The following MYLK2 variants were observed in gnomAD, a reference collection of about 807,000 sequenced individuals.
MYLK2 encodes the protein myosin light chain kinase 2, also known as myosin light chain kinase 2, skeletal/cardiac muscle.
In MYLK2, 27 loss-of-function variants were observed where a neutral mutation model predicts 58.2. That is an observed-to-expected ratio of 0.46 (90% confidence interval 0.34 to 0.64). The LOEUF (loss-of-function observed/expected upper bound fraction) is 0.64. MYLK2 is among the 30% of genes least tolerant of loss of function. The pLI is 0.01. For missense variants in MYLK2, 676 were observed against 764.3 expected, an observed-to-expected ratio of 0.88 and a Z score of 1.36; for synonymous variants, 310 against 296.7, an observed-to-expected ratio of 1.04 and a Z score of -0.46.
chr20:31,829,580 A>G (rs1324756548), intron 8 of MYLK2, among the ~76,000 whole-genome samples: 1 of 152,228 alleles, frequency 6.6e-6, no homozygotes, highest in Non-Finnish European at 1.5e-5. Flanking sequence ...CCAGACAAAT[A>G]ACAAATACAT....
rs1568635421 is a variant in MYLK2, at chr20:31,832,027, G to GTC, written c.1604_1605dup (p.Ala536SerfsTer31). The GTC allele has an allele frequency of 1.9e-6, 3 of 1,608,588 alleles. No individual in the cohort carries two copies. Among genetic ancestry groups the GTC allele is most frequent in the Non-Finnish European group, 2.5e-6 (3 of 1,177,340 alleles). ...AGGGCCCGGATGAACGCTGCCCAGT[G>GTC]TCTCGCCCATCCCTGGCTCAACAAC... On this transcript the variant is annotated frameshift_variant, in exon 12 of 13. Transcript: ENST00000375985. LOFTEE classifies it high-confidence loss of function.
intron 10 of MYLK2, 77 bp downstream of exon 10, chr20:31,831,218 G>A (rs2062304914): frequency 1.2e-6 from 2 of 1,606,470 alleles, no homozygotes; most frequent in Admixed American, 3.3e-5. Flanking sequence ...ATTGGCCCTA[G>A]GGTCTTGGTA....
intron 8 of MYLK2, among the ~76,000 whole-genome samples, chr20:31,827,882 C>CTTTTTTTTTTT (rs10646259): frequency 1.1e-5 from 1 of 94,842 alleles, no homozygotes; most frequent in Non-Finnish European, 2.0e-5. Context: ...AGCAGATCTG[C>CTTTTTTTTTTT]TTTTTTTTTT....
Position 31,820,506 on chromosome 20 carries a change from G to C in MYLK2, c.433G>C (p.Ala145Pro). ...AGCAGCAGCCAGGAGGGGCTCACCT[G>C]CCTTTCTGCATAGCCCCAGCTGTCC... Reference protein sequence around the residue: ...GQAAARRGSPAFLHSPSCPAI... With the variant: ...GQAAARRGSPPFLHSPSCPAI... The change falls in exon 3 of 13, where the codon GCC becomes CCC. Residue 145 changes from alanine to proline, a missense_variant. By Grantham distance (27) the Ala-to-Pro change is conservative. Around this residue, in one of 2 missense-constraint regions of MYLK2, gnomAD observed 306 missense variants for 296.5 expected, o/e 1.03. Coordinates refer to ENST00000375985, the MANE Select transcript of MYLK2 (RefSeq NM_033118.4). 1.2e-6 allele frequency: 2 copies of C among 1,605,240 alleles called. No homozygotes were observed. Among genetic ancestry groups the C allele is most frequent in the Admixed American group, 1.7e-5 (1 of 60,032 alleles).
At position 31,821,390 on chromosome 20, in the gene MYLK2, C is replaced by T. The variant is rs537738338; in HGVS notation, c.474-49C>T. The T allele has an allele frequency of 6.6e-5, 106 of 1,609,764 alleles. 2 individuals are homozygous for T. The South Asian group carries it at 1.1e-3, about 17-fold the overall frequency. Reference sequence around the variant, plus strand: ...GATTGCATTGAGACTTGCCTGATGCCACAGGCTGTGGCCGCTGAGGGCTTC... The same window carrying T: ...GATTGCATTGAGACTTGCCTGATGCTACAGGCTGTGGCCGCTGAGGGCTTC... On this transcript the variant is annotated intron_variant, in intron 3 of 12. Coordinates refer to ENST00000375985, the MANE Select transcript of MYLK2 (RefSeq NM_033118.4).
intron 5 of MYLK2, 141 bp from the exon 6 acceptor site, chr20:31,824,118 G>A (rs1392641979): frequency 8.6e-6 from 13 of 1,519,208 alleles, no homozygotes; most frequent in African/African-American, 1.4e-5. Flanking sequence ...GTCAGGGCTG[G>A]CTGGGGTGAG....
rs753089175 is a variant in MYLK2, at chr20:31,820,332, G to A, written c.259G>A (p.Ala87Thr). 22 of 1,612,860 alleles carry A rather than the reference G, an allele frequency of 1.4e-5. No homozygotes were observed. The East Asian group carries it at 1.8e-4, about 13-fold the overall frequency. Residue 87 changes from alanine to threonine, a missense_variant, in exon 3 of 13, where the codon GCG (alanine) becomes ACG (threonine). This residue lies in a region of MYLK2 where 306 missense variants were observed against 296.5 expected (regional missense o/e 1.03). Coordinates refer to ENST00000375985, the MANE Select transcript of MYLK2 (RefSeq NM_033118.4). Reference protein sequence around the residue: ...KGEGDRGGGPAEGSAGPPAAL... With the variant: ...KGEGDRGGGPTEGSAGPPAAL... ...AGAGGGTGACAGGGGCGGGGGGCCC[G>A]CGGAGGGCAGTGCTGGGCCCCCGGC...
intron 10 of MYLK2, among the ~76,000 whole-genome samples, 181 bp downstream of exon 10, chr20:31,831,322 T>C (rs1600413835): frequency 6.6e-6 from 1 of 151,424 alleles, no homozygotes; most frequent in Admixed American, 6.6e-5. Flanking sequence ...ACCCATTTCA[T>C]AGATGGAAAA....
At position 31,821,639 on chromosome 20, in the gene MYLK2, C is replaced by A. The variant is rs371836552; in HGVS notation, c.674C>A (p.Ser225Ter). 6.2e-7 allele frequency: 1 copy of A among 1,613,928 alleles called. No homozygotes were observed. Among genetic ancestry groups the A allele is most frequent in the African/African-American group, 1.3e-5 (1 of 74,936 alleles). ...CAGGCTAAGATGCAAGGGGACACCT[C>A]GAGGGGGATTGAGTTCCAGGCTGTT... The part of the protein sequence containing the change: ...AGQAKMQGDT[S>*]RGIEFQAVPS... The change falls in exon 4 of 13, where the codon TCG (serine) becomes TAG (stop). Residue 225 changes from serine to a stop codon, truncating the protein, a stop_gained. Transcript: ENST00000375985. LOFTEE classifies it high-confidence loss of function.
Position 31,820,349 on chromosome 20 carries a change from G to T in MYLK2, c.276G>T (p.Gly92=). 6.2e-7 allele frequency: 1 copy of T among 1,612,724 alleles called. No homozygotes were observed. The highest frequency in any genetic ancestry group is 2.2e-5 in the East Asian group (1 of 44,880). Residue 92 remains glycine (G), a synonymous_variant, in exon 3 of 13, where the codon GGG becomes GGT. Transcript: ENST00000375985. The part of the protein sequence containing the change: ...RGGGPAEGSA[G]PPAALPQQTA... ...GGGGGCCCGCGGAGGGCAGTGCTGG[G>T]CCCCCGGCAGCCCTGCCCCAGCAGA...
chr20:31,826,794 C>A lies in MYLK2; in HGVS notation c.1083-3C>A. 2.5e-6 allele frequency: 4 copies of A among 1,614,120 alleles called. No individual in the cohort carries two copies. In the South Asian group the frequency reaches 4.4e-5, roughly 18 times the overall value. ...CAAGCCGTGGAGGGGTCTGTGCACA[C>A]AGCATCGAGGGCGGAGAGCTCTTCG... On this transcript the variant is annotated splice_region_variant and splice_polypyrimidine_tract_variant and intron_variant, in intron 7 of 12. Transcript: ENST00000375985.
intron 3 of MYLK2, 75 bp from the exon 4 acceptor site, chr20:31,821,364 A>G: frequency 6.3e-7 from 1 of 1,582,168 alleles, no homozygotes; most frequent in Non-Finnish European, 8.7e-7. Flanking sequence ...TTAGCTCTGC[A>G]GATTGCATTG....
chr20:31,833,566 G>GTCA, intron 12 of MYLK2, 151 bp from the exon 13 acceptor site: 1 of 725,850 alleles, frequency 1.4e-6, no homozygotes, highest in Non-Finnish European at 2.5e-6. Context: ...ACAATACAGT[G>GTCA]TCATGGCGCC....
At chr20:31,827,981 G>A (rs2062289021) in intron 8 of MYLK2, among the ~76,000 whole-genome samples, 1 of 146,130 alleles carries the variant, frequency 6.8e-6, no homozygotes, top group Non-Finnish European at 1.5e-5. Flanking sequence ...TCTGTCTCCT[G>A]GGCTCAAGCA....
Position 31,832,155 on chromosome 20 carries a change from TG to T in MYLK2, c.1710+23del. On this transcript the variant is annotated intron_variant, in intron 12 of 12. Transcript: ENST00000375985. ...CTGGAAGGTACCGCTGGATTCAGGG[TG>T]GGGAGGGAGGGCTTGCTAGTGGGAA... 1 of 1,233,164 alleles carries T rather than the reference TG, an allele frequency of 8.1e-7. No homozygotes were observed. Among genetic ancestry groups the T allele is most frequent in the East Asian group, 2.8e-5 (1 of 35,406 alleles). The allele number at this position is 1,233,164 out of a possible 1,614,324, so 76.4% of individuals were successfully genotyped here.
chr20:31,819,983 G>A, intron 2 of MYLK2, 143 bp from the exon 3 acceptor site: 2 of 1,072,660 alleles, frequency 1.9e-6, no homozygotes, highest in Non-Finnish European at 2.8e-6. Flanking sequence ...GGGCCATCAA[G>A]TGGCCCCAGA....
At chr20:31,822,571 A>G (rs537617809) in intron 4 of MYLK2, among the ~76,000 whole-genome samples, 2 of 151,996 alleles carry the variant, frequency 1.3e-5, no homozygotes, top group African/African-American at 4.8e-5. Context: ...CAGCAGGTGA[A>G]TAGGGAAAGG....
At chr20:31,827,574 A>G in intron 8 of MYLK2, 2 of 981,702 alleles carry the variant, frequency 2.0e-6, no homozygotes, top group Non-Finnish European at 2.4e-6. Flanking sequence ...GCTGGAGTGC[A>G]GTGGCGCTAT....
At chr20:31,827,815 G>A (rs2062287995) in intron 8 of MYLK2, among the ~76,000 whole-genome samples, 1 of 150,880 alleles carries the variant, frequency 6.6e-6, no homozygotes, top group Admixed American at 6.6e-5. Flanking sequence ...CACTGTTCCC[G>A]GCCTGATATC....
Sources: allele counts gnomAD v4.1 joint callset (sites outside exome capture counted in the v4.1 genomes callset), GRCh38; gene constraint gnomAD v4.1.1; regional missense constraint gnomAD v4.1.1; transcripts MANE v1.5; gene names NCBI Gene and HGNC (gene_info 2026-07-23, HGNC 2026-07-21).